Variants in BDP1 observed in about 807,000 individuals in gnomAD.
The protein encoded by BDP1 is transcription factor TFIIIB component B'' homolog.
Under a neutral mutation model 266.6 loss-of-function variants are expected in BDP1, and 169 were observed. The ratio of observed to expected loss-of-function variants is 0.63; its 90% CI spans 0.56 to 0.72. The LOEUF is 0.72. Among genes scored for constraint, BDP1 ranks in the 30% least tolerant of loss-of-function variants. The pLI is 0.00. For synonymous variants in BDP1, 1,090 were observed against 1,022.4 expected (o/e 1.07, Z -1.26); for missense variants, 3,015 against 3,053.8 (o/e 0.99, Z 0.30).
downstream of BDP1, among the ~76,000 whole-genome samples, chr5:71,571,551 G>A (rs114323415): frequency 4.7e-3 from 709 of 152,280 alleles, 4 homozygotes; most frequent in Middle Eastern, 0.065. Flanking sequence ...GGCTTCCTCT[G>A]TATAGTAGTG....
rs769358815 is a variant in BDP1 at position 71,490,998 on chromosome 5, A to T, written c.1507A>T (p.Ile503Leu). ...GEKHKNKCQAIRPELKEGECS... is the reference protein window; with the variant it reads ...GEKHKNKCQALRPELKEGECS... ...TGTATTTGTAGATAAATGTCAGGCT[A>T]TAAGGCCTGAGCTAAAGGAAGGTGA... The change falls in exon 11 of 39, where the codon ATA becomes TTA. Residue 503 changes from isoleucine (I) to leucine (L), a missense_variant. This residue lies in a region of BDP1 where 2,383 missense variants were observed against 2,404.9 expected (regional missense o/e 0.99). Transcript: ENST00000358731. 1.2e-6 allele frequency: 2 copies of T among 1,607,460 alleles called. No individual in the cohort carries two copies. The highest frequency in any genetic ancestry group is 1.7e-6 in the Non-Finnish European group (2 of 1,177,416).
chr5:71,539,064 T>C lies in BDP1; in HGVS notation c.5915T>C (p.Ile1972Thr). 4 of 1,603,850 alleles carry C rather than the reference T, an allele frequency of 2.5e-6. No homozygotes were observed. Among genetic ancestry groups the C allele is most frequent in the Non-Finnish European group, 2.6e-6 (3 of 1,173,462 alleles). The change falls in exon 27 of 39, where the codon ATC becomes ACC. Residue 1972 changes from isoleucine to threonine, a missense_variant. Ile to Thr is a moderately conservative substitution (Grantham distance 89, BLOSUM62 -1). Coordinates refer to ENST00000358731, the MANE Select transcript of BDP1 (RefSeq NM_018429.3). ...VPFEMTTSEH[I>T]QDEPGTNDGS... ...TAGGAAATGACCACAAGTGAACATA[T>C]CCAAGATGAACCAGGTAACTGTTAT...
chr5:71,513,936 G>C (rs1765084803), intron 19 of BDP1, among the ~76,000 whole-genome samples: 1 of 151,742 alleles, frequency 6.6e-6, no homozygotes, highest in African/African-American at 2.4e-5. Context: ...TGTTAGCCAG[G>C]CTGATCTCGA....
At position 71,458,727 on chromosome 5, in the gene BDP1, A is replaced by T; in HGVS notation, c.361A>T (p.Ile121Phe). The change falls in exon 2 of 39, where the codon ATT becomes TTT. Residue 121 changes from isoleucine (I) to phenylalanine (F), a missense_variant. Physicochemically the swap from Ile to Phe is conservative, Grantham distance 21 (BLOSUM62 0). Coordinates refer to ENST00000358731, the MANE Select transcript of BDP1 (RefSeq NM_018429.3). The stretch of plus-strand genomic sequence containing the variant: ...TTCAGAATCTCATCCCTTATCTACA[A>T]TTAATCAAGAGGCTCCACAGCCAAC... ...VPSESHPLST[I>F]NQEAPQPTAT... 1 of 1,614,184 alleles carries T rather than the reference A, an allele frequency of 6.2e-7. No individual in the cohort carries two copies. The highest frequency in any genetic ancestry group is 8.5e-7 in the Non-Finnish European group (1 of 1,180,026).
At chr5:71,544,335 G>GT in intron 30 of BDP1, 22 bp from the exon 31 acceptor site, 1 of 1,603,322 alleles carries the variant, frequency 6.2e-7, no homozygotes, top group Non-Finnish European at 8.5e-7. Flanking sequence ...GGTCTATATC[G>GT]TAAGTGTGCT....
intron 7 of BDP1, among the ~76,000 whole-genome samples, chr5:71,477,420 G>A (rs1274016829): frequency 3.3e-5 from 5 of 152,118 alleles, no homozygotes; most frequent in East Asian, 1.9e-4. Flanking sequence ...AAGTGCTGGC[G>A]TTACAGGCAT....
At position 71,509,858 on chromosome 5, in the gene BDP1, T is replaced by G. The variant is rs765405113; in HGVS notation, c.2766T>G (p.Thr922=). The change falls in exon 17 of 39, where the codon ACT becomes ACG. Residue 922 remains threonine, a synonymous_variant. Coordinates refer to ENST00000358731, the MANE Select transcript of BDP1 (RefSeq NM_018429.3). The part of the protein sequence containing the change: ...REKTPEVIDA[T]EEIDKDLEEA... ...AGACGCCAGAGGTGATTGATGCCAC[T>G]GAGGAAATAGACAAAGATTTGGAAG... The G allele has an allele frequency of 1.2e-6, 2 of 1,614,054 alleles. No homozygotes were observed. Among genetic ancestry groups the G allele is most frequent in the South Asian group, 2.2e-5 (2 of 91,082 alleles).
chr5:71,492,204 G>C (rs1215708615), intron 11 of BDP1, among the ~76,000 whole-genome samples: 1 of 152,168 alleles, frequency 6.6e-6, no homozygotes, highest in African/African-American at 2.4e-5. Context: ...CTGAACATGG[G>C]AGTGCAAATA....
chr5:71,517,304 AT>A lies in BDP1; in HGVS notation c.4861-17del, dbSNP rs773575827. 1 of 1,580,862 alleles carries A rather than the reference AT, an allele frequency of 6.3e-7. No homozygotes were observed. Among genetic ancestry groups the A allele is most frequent in the South Asian group, 1.2e-5 (1 of 85,702 alleles). ...TCTGCTATAAAAATAACATACTAAT[AT>A]GATTTTGTCTTTTCAGTCAAATTCT... is the stretch of plus-strand genomic sequence containing the variant. On this transcript the variant is annotated splice_polypyrimidine_tract_variant and intron_variant, in intron 21 of 38. Coordinates refer to ENST00000358731, the MANE Select transcript of BDP1 (RefSeq NM_018429.3).
intron 17 of BDP1, 86 bp downstream of exon 17, chr5:71,511,237 C>T: frequency 2.3e-6 from 3 of 1,319,308 alleles, no homozygotes; most frequent in Non-Finnish European, 3.1e-6. Context: ...GTCCTTAAGT[C>T]CAACAACACT....
intron 7 of BDP1, among the ~76,000 whole-genome samples, chr5:71,481,125 G>A (rs1254002912): frequency 4.0e-5 from 6 of 151,696 alleles, no homozygotes; most frequent in Non-Finnish European, 8.8e-5. Flanking sequence ...AGTGAGCTGA[G>A]ATCGCGCCAC....
At chr5:71,555,972 A>G (rs2112029345) in intron 35 of BDP1, among the ~76,000 whole-genome samples, 1 of 150,422 alleles carries the variant, frequency 6.6e-6, no homozygotes, top group Non-Finnish European at 1.5e-5. Context: ...CATAATTATA[A>G]TATTGAATCT....
intron 22 of BDP1, among the ~76,000 whole-genome samples, 190 bp downstream of exon 22, chr5:71,517,642 C>T (rs1765290430): frequency 6.6e-6 from 1 of 152,180 alleles, no homozygotes; most frequent in Non-Finnish European, 1.5e-5. Context: ...GGCTGATATT[C>T]TCTTAAGTAT....
At position 71,491,065 on chromosome 5, in the gene BDP1, A is replaced by ATGG. The variant is rs749353105; in HGVS notation, c.1575_1577dup (p.Gly526dup). The ATGG allele has an allele frequency of 6.2e-7, 1 of 1,614,142 alleles. No homozygotes were observed. The highest frequency in any genetic ancestry group is 8.5e-7 in the Non-Finnish European group (1 of 1,180,000). The stretch of plus-strand genomic sequence containing the variant: ...ATGCTTTCCTGCACACAAAACATAG[A>ATGG]TGGCATTGTGGGTTTTGCCTCCACT... On this transcript the variant is annotated inframe_insertion, in exon 11 of 39. Transcript: ENST00000358731.
intron 6 of BDP1, among the ~76,000 whole-genome samples, chr5:71,469,669 A>G (rs1762117045): frequency 6.6e-6 from 1 of 151,810 alleles, no homozygotes; most frequent in South Asian, 2.1e-4. Context: ...GCTGGAGTGC[A>G]GTGGCGCCAT....
chr5:71,560,272 C>T (rs760595105), intron 37 of BDP1, 35 bp downstream of exon 37: 8 of 1,598,838 alleles, frequency 5.0e-6, no homozygotes, highest in African/African-American at 1.3e-5. Flanking sequence ...GTGTTTTGCT[C>T]TCTGTCTTAA....
In BDP1 at chr5:71,510,148, G is replaced by T; in HGVS notation, c.3056G>T (p.Ser1019Ile). 6.2e-7 allele frequency: 1 copy of T among 1,613,604 alleles called. No individual in the cohort carries two copies. Among genetic ancestry groups the T allele is most frequent in the Non-Finnish European group, 8.5e-7 (1 of 1,179,900 alleles). Residue 1019 changes from serine to isoleucine, a missense_variant, in exon 17 of 39, where the codon AGT becomes ATT. By Grantham distance (142) the Ser-to-Ile change is moderately radical. Coordinates refer to ENST00000358731, the MANE Select transcript of BDP1 (RefSeq NM_018429.3). Reference protein sequence around the residue: ...ETDLNATGRESSPREKTPEVI... With the variant: ...ETDLNATGREISPREKTPEVI... ...GATTTGAACGCAACTGGAAGAGAGA[G>T]TTCTCCAAGGGAGAAGACACCAGAG...
intron 7 of BDP1, among the ~76,000 whole-genome samples, chr5:71,481,391 GAAAAAAAAAAAAA>G (rs58798987): frequency 3.1e-5 from 2 of 63,844 alleles, no homozygotes; most frequent in African/African-American, 1.4e-4. Flanking sequence ...TCTCTACAAA[GAAAAAAAAAAAAA>G]AAAAAAAAAA....
At position 71,539,556 on chromosome 5, in the gene BDP1, G is replaced by A. The variant is rs750174600; in HGVS notation, c.5930-1G>A. The A allele has an allele frequency of 1.9e-6, 3 of 1,602,750 alleles. No individual in the cohort carries two copies. The highest frequency in any genetic ancestry group is 3.4e-5 in the Admixed American group (2 of 58,814). ...TTAATGTTGATATATTTCCTCACAAGGTACCAATGATGGAAGCACCGAAGC... is the reference window on the plus strand; with the variant it reads ...TTAATGTTGATATATTTCCTCACAAAGTACCAATGATGGAAGCACCGAAGC... On this transcript the variant is annotated splice_acceptor_variant, in intron 27 of 38. Coordinates refer to ENST00000358731, the MANE Select transcript of BDP1 (RefSeq NM_018429.3). LOFTEE classifies it high-confidence loss of function.
Sources: allele counts gnomAD v4.1 joint callset (sites outside exome capture counted in the v4.1 genomes callset), GRCh38; gene constraint gnomAD v4.1.1; regional missense constraint gnomAD v4.1.1; transcripts MANE v1.5; gene names NCBI Gene and HGNC (gene_info 2026-07-23, HGNC 2026-07-21).